Variants in DGKD observed in about 807,000 individuals in gnomAD.
The protein encoded by DGKD is diacylglycerol kinase delta.
Under a neutral mutation model 154.4 loss-of-function variants are expected in DGKD, and 68 were observed. The observed-to-expected ratio is 0.44, with a 90% CI of 0.36 to 0.54. The LOEUF (loss-of-function observed/expected upper bound fraction) is 0.54, where lower values mean the gene tolerates loss of function less well. Ranked by LOEUF, DGKD falls within the 20% of genes least tolerant of loss-of-function variation. The pLI, the probability that DGKD is intolerant of heterozygous loss-of-function variation, is 0.00. For missense variants in DGKD, 1,343 were observed against 1,593.6 expected, an observed-to-expected ratio of 0.84 and a Z score of 2.68; for synonymous variants, 693 against 638.0, an observed-to-expected ratio of 1.09 and a Z score of -1.30.
At chr2:233,380,102 A>G (rs1394120266) in intron 1 of DGKD, 1 of 152,238 alleles carries the variant, frequency 6.6e-6, no homozygotes, top group Non-Finnish European at 1.5e-5. Context: ...ATCTTCCATT[A>G]TTTTAACAAA....
At chr2:233,362,178 G>GA (rs1701816487) in intron 1 of DGKD, among the ~76,000 whole-genome samples, 1 of 152,172 alleles carries the variant, frequency 6.6e-6, no homozygotes, top group Non-Finnish European at 1.5e-5. Context: ...GACCCAGGCT[G>GA]AAAAAATTGT....
intron 2 of DGKD, among the ~76,000 whole-genome samples, chr2:233,389,639 AG>A (rs1324281119): frequency 2.6e-5 from 4 of 151,892 alleles, no homozygotes; most frequent in Middle Eastern, 3.4e-3. Context: ...GGGAGGGGAA[AG>A]GTTACTTAAA....
chr2:233,413,706 G>A (rs2061887658), intron 3 of DGKD, among the ~76,000 whole-genome samples: 1 of 152,208 alleles, frequency 6.6e-6, no homozygotes, highest in Non-Finnish European at 1.5e-5. Flanking sequence ...TCGTCACTGT[G>A]CTGTGACGGG....
intron 3 of DGKD, among the ~76,000 whole-genome samples, chr2:233,405,075 G>A (rs1276079226): frequency 6.6e-6 from 1 of 152,152 alleles, no homozygotes. Context: ...GCCAAATAAT[G>A]GGGATCAAAA....
At chr2:233,417,881 G>A (rs979386487) in intron 3 of DGKD, among the ~76,000 whole-genome samples, 8 of 152,158 alleles carry the variant, frequency 5.3e-5, no homozygotes, top group Non-Finnish European at 8.8e-5. Context: ...AGTTGGTAAA[G>A]TCCAGGGAAG....
At position 233,459,652 on chromosome 2, in the gene DGKD, C is replaced by T; in HGVS notation, c.2695-105C>T. On this transcript the variant is annotated intron_variant, in intron 22 of 29. Transcript: ENST00000264057. This position sits in a 1 kb window ranked among gnomAD's most constrained non-coding sequence, Gnocchi z 5.7. ...GGCAGAGGTGGGGTGTCCTGCAAGG[C>T]AGGGACGGGTGTGTGGAGCAGGAAG... is the stretch of plus-strand genomic sequence containing the variant. 1 of 1,457,532 alleles carries T rather than the reference C, an allele frequency of 6.9e-7. No individual in the cohort carries two copies. The highest frequency in any genetic ancestry group is 9.2e-7 in the Non-Finnish European group (1 of 1,083,516). 90.3% of individuals were successfully genotyped at this position (1,457,532 alleles called of 1,614,324 possible).
intron 3 of DGKD, chr2:233,392,431 A>G (rs1382373894): frequency 6.6e-6 from 1 of 152,260 alleles, no homozygotes; most frequent in Non-Finnish European, 1.5e-5. Flanking sequence ...CTTGCAATTT[A>G]GAATTTTCCC....
At chr2:233,395,570 TTTC>T (rs1221305200) in intron 3 of DGKD, among the ~76,000 whole-genome samples, 1 of 142,196 alleles carries the variant, frequency 7.0e-6, no homozygotes, top group Non-Finnish European at 1.7e-5. Flanking sequence ...TTTCCTTTCT[TTTC>T]TTTTCTTTTT....
chr2:233,398,983 C>T (rs532038037), intron 3 of DGKD, among the ~76,000 whole-genome samples: 3 of 152,268 alleles, frequency 2.0e-5, no homozygotes, highest in South Asian at 4.1e-4. Flanking sequence ...AGGGTCCATT[C>T]GAGTTTTATG....
intron 1 of DGKD, among the ~76,000 whole-genome samples, chr2:233,387,560 C>T (rs1296348980): frequency 6.6e-6 from 1 of 152,172 alleles, no homozygotes; most frequent in Non-Finnish European, 1.5e-5. Context: ...GAAGTAGAGC[C>T]CCCTTCATTC....
At chr2:233,462,936 C>G (rs943777998) in intron 26 of DGKD, among the ~76,000 whole-genome samples, 1 of 152,210 alleles carries the variant, frequency 6.6e-6, no homozygotes, top group Non-Finnish European at 1.5e-5. Flanking sequence ...CTCAAGCATG[C>G]GAGAAGCGCT....
At chr2:233,447,821 G>A (rs762349126) in intron 12 of DGKD, 74 of 1,272,482 alleles carry the variant, frequency 5.8e-5, no homozygotes, top group Admixed American at 2.8e-4. Context: ...AGCACAGGCC[G>A]TGCTGGGATC....
Position 233,354,569 on chromosome 2 carries a change from G to A in DGKD, c.51G>A (p.Pro17=), listed in dbSNP as rs774345130. 37 of 1,061,968 alleles carry A rather than the reference G, an allele frequency of 3.5e-5. No homozygotes were observed. In the African/African-American group the frequency reaches 4.8e-4, roughly 14 times the overall value. The allele number at this position is 1,061,968 out of a possible 1,614,324, so 65.8% of individuals were successfully genotyped here. Residue 17 remains proline, a synonymous_variant, in exon 1 of 30, where the codon CCG becomes CCA. Coordinates refer to ENST00000264057, the MANE Select transcript of DGKD (RefSeq NM_152879.3). The surrounding 1 kb of genome is among the most constrained non-coding windows in gnomAD (Gnocchi z 4.8). ...CGCCGGGTCCCCCGCAACCGCCTCC[G>A]CCGCCGCCGCCCGAGGAGTCGTCCG... ...APPPGPPQPP[P]PPPPEESSDS...
chr2:233,361,794 G>C (rs892174030), intron 1 of DGKD, among the ~76,000 whole-genome samples: 8 of 152,028 alleles, frequency 5.3e-5, no homozygotes, highest in Admixed American at 1.3e-4. Flanking sequence ...AAAGATACTA[G>C]ACATTTTTTT....
intron 11 of DGKD, among the ~76,000 whole-genome samples, chr2:233,446,263 G>T: frequency 6.6e-6 from 1 of 152,240 alleles, no homozygotes; most frequent in African/African-American, 2.4e-5. Context: ...CACATGGGGT[G>T]CTGATGAGAT....
intron 3 of DGKD, among the ~76,000 whole-genome samples, chr2:233,426,010 A>G (rs190398443): frequency 8.5e-5 from 13 of 152,344 alleles, no homozygotes; most frequent in Non-Finnish European, 1.6e-4. Context: ...GCCCCAGTGT[A>G]TGAGAATCAG....
Position 233,469,602 on chromosome 2 carries a change from C to A in DGKD, c.*142C>A, listed in dbSNP as rs887922756. 2 of 681,042 alleles carry A rather than the reference C, an allele frequency of 2.9e-6. No homozygotes were observed. The highest frequency in any genetic ancestry group is 5.0e-6 in the Non-Finnish European group (2 of 399,548). The allele number at this position is 681,042 out of a possible 1,614,324, so 42.2% of individuals were successfully genotyped here. On this transcript the variant is annotated 3_prime_UTR_variant, in exon 30 of 30. Coordinates refer to ENST00000264057, the MANE Select transcript of DGKD (RefSeq NM_152879.3). ...CCGCCCCCTTCTCATGGTGCTACTTCCTCTGTCAGCTACAGAAAGCCTCCG... is the reference window on the plus strand; with the variant it reads ...CCGCCCCCTTCTCATGGTGCTACTTACTCTGTCAGCTACAGAAAGCCTCCG...
chr2:233,466,998 C>T (rs986812441), intron 27 of DGKD, 88 bp from the exon 28 acceptor site: 47 of 1,059,118 alleles, frequency 4.4e-5, no homozygotes, highest in Non-Finnish European at 6.0e-5. Context: ...TCAGCCCTGC[C>T]TGCCCTCCCA....
chr2:233,444,499 G>A lies in DGKD; in HGVS notation c.1195-1124G>A, dbSNP rs1333879430. On this transcript the variant is annotated intron_variant, in intron 10 of 29. Transcript: ENST00000264057. ...TCCTCGCTGTCCTCCTCTTCACTGAGCTCTGCCTTGCCCCCTCCCAGTGGT... is the reference window on the plus strand; with the variant it reads ...TCCTCGCTGTCCTCCTCTTCACTGAACTCTGCCTTGCCCCCTCCCAGTGGT... Among the ~76,000 whole-genome samples, 2 of 151,370 alleles carry A rather than the reference G, an allele frequency of 1.3e-5. 1 individual carries two copies. The highest frequency in any genetic ancestry group is 2.9e-5 in the Non-Finnish European group (2 of 67,936).
Sources: gnomAD v4.1 joint callset for allele counts (sites outside exome capture counted in the v4.1 genomes callset) on GRCh38, gnomAD v4.1.1 for gene constraint, Gnocchi (gnomAD v3.1) non-coding constraint, MANE v1.5 for transcripts, NCBI Gene and HGNC (gene_info 2026-07-23, HGNC 2026-07-21) for gene names.